The following GPAT2 variants were observed in gnomAD, a reference collection of about 807,000 sequenced individuals.
The protein encoded by GPAT2 is glycerol-3-phosphate acyltransferase 2, mitochondrial, also known as 1-acylglycerol-3-phosphate O-acyltransferase GPAT2.
In GPAT2, 51 loss-of-function variants were observed where a neutral mutation model predicts 71.0. That is an observed-to-expected ratio of 0.72 (90% CI 0.57 to 0.91). The LOEUF (loss-of-function observed/expected upper bound fraction) is 0.91. Among genes scored for constraint, GPAT2 ranks in the 40% least tolerant of loss-of-function variants. The pLI is 0.00. For synonymous variants in GPAT2, 222 were observed against 290.3 expected (o/e 0.76, Z 2.39); for missense variants, 511 against 666.0 (o/e 0.77, Z 2.56).
In GPAT2 at chr2:96,022,971, T is replaced by C. The variant is rs1277562758; in HGVS notation, c.2220A>G (p.Glu740=). 4 of 1,613,904 alleles carry C rather than the reference T, an allele frequency of 2.5e-6. No homozygotes were observed. The Admixed American group carries it at 6.7e-5, about 27-fold the overall frequency. The change falls in exon 20 of 22, where the codon GAA becomes GAG. Residue 740 remains glutamate, a synonymous_variant. Transcript: ENST00000434632. ...LFQFLQATAQ[E]EGIFECADPK... ...GTTGGGACTCACCGAAGATCCCTTC[T>C]TCCTGGGCGGTGGCCTGCAGGAACT...
rs1454142683 is a variant in GPAT2, at chr2:96,026,718, A to T, written c.1011T>A (p.Asp337Glu). 1 of 89,578 alleles carries T rather than the reference A, an allele frequency of 1.1e-5. No individual in the cohort carries two copies. Among genetic ancestry groups the T allele is most frequent in the Non-Finnish European group, 1.8e-5 (1 of 54,366 alleles). 5.5% of individuals were successfully genotyped at this position (89,578 alleles called of 1,614,324 possible). ...TCACATGGTCTATGTCACACGGTGC[A>T]TCCGGAACCAGGTCATAGGTGACGG... is the stretch of plus-strand genomic sequence containing the variant. The part of the protein sequence containing the change: ...PVAVTYDLVP[D>E]APCDIDHASA... Residue 337 changes from aspartate to glutamate, a missense_variant, in exon 10 of 22, where the codon GAT (aspartate) becomes GAA (glutamate). Asp to Glu is a conservative substitution (Grantham distance 45). Around this residue, in one of 7 missense-constraint regions of GPAT2, gnomAD observed 0 missense variants for 21.6 expected, o/e 0.00. Transcript: ENST00000434632.
rs912968489 is a variant in GPAT2 at position 96,025,933 on chromosome 2, T to C, written c.1235A>G (p.Gln412Arg). The change falls in exon 12 of 22, where the codon CAA (glutamine) becomes CGA (arginine). Residue 412 changes from glutamine to arginine, a missense_variant. By Grantham distance (43) the Gln-to-Arg change is conservative. Transcript: ENST00000434632. ...CCCCACGCTCCTGTGCCCCTACCAT[T>C]GGCCCAGCACGATGGGCTGCAGTAG... is the stretch of plus-strand genomic sequence containing the variant. ...EQLLQPIVLG[Q>R]CTAVPDTEKE... The C allele has an allele frequency of 2.7e-5, 43 of 1,612,034 alleles. No individual in the cohort carries two copies. Among genetic ancestry groups the C allele is most frequent in the Non-Finnish European group, 3.6e-5 (43 of 1,179,688 alleles).
Position 96,023,434 on chromosome 2 carries a change from C to T in GPAT2, c.1921G>A (p.Gly641Ser), listed in dbSNP as rs758383135. Residue 641 changes from glycine (G) to serine (S), a missense_variant, in exon 18 of 22, where the codon GGC (glycine) becomes AGC (serine). Around this residue, in one of 7 missense-constraint regions of GPAT2, gnomAD observed 295 missense variants for 305.5 expected, o/e 0.97. Transcript: ENST00000434632. ...CCTGTGTCACAGGCTGGCCGGGAGC[C>T]TGGGGTCTAGGGGCCGTGGAGCCAT... ...CGLLVAEETP[G>S]SRPACDTGRQ... 76 of 1,613,856 alleles carry T rather than the reference C, an allele frequency of 4.7e-5. No homozygotes were observed. Among genetic ancestry groups the T allele is most frequent in the Non-Finnish European group, 5.7e-5 (67 of 1,180,028 alleles).
intron 13 of GPAT2, 82 bp from the exon 14 acceptor site, chr2:96,024,925 A>G: frequency 1.3e-6 from 2 of 1,488,782 alleles, no homozygotes; most frequent in Non-Finnish European, 1.9e-6. Context: ...AAGTCTTCCT[A>G]GCCACACATC....
rs544645117 is a variant in GPAT2 at position 96,025,253 on chromosome 2, C to T, written c.1357+232G>A. On this transcript the variant is annotated intron_variant, in intron 13 of 21. Coordinates refer to ENST00000434632, the MANE Select transcript of GPAT2 (RefSeq NM_001321527.2). ...GCCTTGGGGAAGCAGCTGCAGCCTC[C>T]TGGCCTCAGGCCACCATCTTTGTGC... The T allele has an allele frequency of 1.0e-3, 607 of 595,876 alleles. 2 individuals carry two copies. The highest frequency in any genetic ancestry group is 1.8e-3 in the Middle Eastern group (4 of 2,234). 36.9% of individuals were successfully genotyped at this position (595,876 alleles called of 1,614,324 possible). A position where few individuals can be genotyped will look rare whatever the true frequency, so the allele number is the denominator to read the frequency against.
chr2:96,023,195 A>G lies in GPAT2; in HGVS notation c.2078T>C (p.Phe693Ser). Residue 693 changes from phenylalanine to serine, a missense_variant, in exon 19 of 22, where the codon TTT becomes TCT. Transcript: ENST00000434632. Reference sequence around the variant, plus strand: ...GCTGAGCAGGCGGCAGAGGAAAAGAAAGAAATCTGGGCAGTGTGACTGCTG... The same window carrying G: ...GCTGAGCAGGCGGCAGAGGAAAAGAGAGAAATCTGGGCAGTGTGACTGCTG... ...LSQQSHCPDF[F>S]LFLCRLLSPL... The G allele has an allele frequency of 6.2e-7, 1 of 1,603,020 alleles. No homozygotes were observed. Among genetic ancestry groups the G allele is most frequent in the Non-Finnish European group, 8.5e-7 (1 of 1,174,802 alleles).
chr2:96,025,177 A>G (rs1455302572), intron 13 of GPAT2: 1 of 556,518 alleles, frequency 1.8e-6, no homozygotes, highest in South Asian at 2.3e-5. Flanking sequence ...AGTTAACACC[A>G]TCTCCACCCA....
Position 96,022,195 on chromosome 2 carries a change from T to C in GPAT2, c.2370A>G (p.Lys790=). 1.2e-6 allele frequency: 2 copies of C among 1,610,928 alleles called. No individual in the cohort carries two copies. Among genetic ancestry groups the C allele is most frequent in the East Asian group, 2.2e-5 (1 of 44,888 alleles). The change falls in exon 22 of 22, where the codon AAA becomes AAG. Residue 790 remains lysine (K), a synonymous_variant. Coordinates refer to ENST00000434632, the MANE Select transcript of GPAT2 (RefSeq NM_001321527.2). ...TGAACTGCCGGATGAACTGTTCTAG[T>C]TTTTCCTGATTGTCCAGGCTGGCAA... ...PTFASLDNQE[K]LEQFIRQFIC...
In GPAT2 at chr2:96,025,920, G is replaced by A. The variant is rs935509101; in HGVS notation, c.1238+10C>T. ...TTGCCCCCTGAGACCCCACGCTCCT[G>A]TGCCCCTACCATTGGCCCAGCACGA... On this transcript the variant is annotated intron_variant, in intron 12 of 21. Coordinates refer to ENST00000434632, the MANE Select transcript of GPAT2 (RefSeq NM_001321527.2). The A allele has an allele frequency of 1.2e-6, 2 of 1,611,678 alleles. No homozygotes were observed. The highest frequency in any genetic ancestry group is 3.3e-5 in the Admixed American group (2 of 60,018).
Position 96,026,001 on chromosome 2 carries a change from G to A in GPAT2, c.1167C>T (p.Val389=), listed in dbSNP as rs761873063. Residue 389 remains valine (V), a synonymous_variant, in exon 12 of 22, where the codon GTC becomes GTT. Transcript: ENST00000434632. ...AQPFSLQEYI[V]SARSCWGGRQ... ...TGCCGCCCCAGCAGCTTCTGGCACT[G>A]ACGATGTATTCCTGCCCAAGAGAAG... 6.2e-7 allele frequency: 1 copy of A among 1,612,808 alleles called. No homozygotes were observed. The highest frequency in any genetic ancestry group is 8.5e-7 in the Non-Finnish European group (1 of 1,179,762).
intron 13 of GPAT2, 155 bp from the exon 14 acceptor site, chr2:96,024,998 C>A: frequency 1.2e-6 from 1 of 861,902 alleles, no homozygotes; most frequent in African/African-American, 1.7e-5. Flanking sequence ...ATCACACAGG[C>A]TGAGAGCAGG....
rs768315790 is a variant in GPAT2 at position 96,024,241 on chromosome 2, C to T, written c.1784G>A (p.Arg595His). The change falls in exon 16 of 22, where the codon CGC (arginine) becomes CAC (histidine). Residue 595 changes from arginine (R) to histidine (H), a missense_variant. Around this residue, in one of 7 missense-constraint regions of GPAT2, gnomAD observed 295 missense variants for 305.5 expected, o/e 0.97. Coordinates refer to ENST00000434632, the MANE Select transcript of GPAT2 (RefSeq NM_001321527.2). ...ILLLSQNELY[R>H]QILLLMHLLP... ...CAGGTGCATCAGCAGCAGGATCTGG[C>T]GGTACAGCTCATTCTGGCTCAGCAG... 29 of 1,550,360 alleles carry T rather than the reference C, an allele frequency of 1.9e-5. No individual in the cohort carries two copies. The highest frequency in any genetic ancestry group is 1.6e-4 in the South Asian group (13 of 82,812).
Position 96,024,017 on chromosome 2 carries a change from C to A in GPAT2, c.1837-17G>T. The A allele has an allele frequency of 1.3e-6, 2 of 1,576,088 alleles. No individual in the cohort carries two copies. Among genetic ancestry groups the A allele is most frequent in the Admixed American group, 1.8e-5 (1 of 54,350 alleles). On this transcript the variant is annotated splice_polypyrimidine_tract_variant and intron_variant, in intron 16 of 21. Coordinates refer to ENST00000434632, the MANE Select transcript of GPAT2 (RefSeq NM_001321527.2). The stretch of plus-strand genomic sequence containing the variant: ...CTGGCAGGGCTGGGAGAAAAAGGCA[C>A]CCATGTGGCCTCAGGAGAGCCAGGC...
At chr2:96,026,102 A>C (rs1241899291) in intron 11 of GPAT2, 81 bp downstream of exon 11, 15 of 1,571,908 alleles carry the variant, frequency 9.5e-6, no homozygotes, top group Non-Finnish European at 1.3e-5. Context: ...CTATCCCTGC[A>C]GTGGCTTTGA....
In GPAT2 at chr2:96,023,130, G is replaced by A. The variant is rs760895063; in HGVS notation, c.2143C>T (p.Arg715Cys). Reference protein sequence around the residue: ...KAFAQAAAFLRQGQLPDTELG... With the variant: ...KAFAQAAAFLCQGQLPDTELG... ...CCAGTATCGGGCAGCTGGCCCTGGC[G>A]GAGGAAGGCGGCAGCCTGTGCAAAG... Residue 715 changes from arginine to cysteine, a missense_variant, in exon 19 of 22, where the codon CGC becomes TGC. Physicochemically the swap from Arg to Cys is radical, Grantham distance 180. Transcript: ENST00000434632. The A allele has an allele frequency of 1.9e-5, 30 of 1,609,246 alleles. No homozygotes were observed. Among genetic ancestry groups the A allele is most frequent in the Middle Eastern group, 1.7e-4 (1 of 6,036 alleles).
chr2:96,024,300 C>T lies in GPAT2; in HGVS notation c.1725G>A (p.Pro575=), dbSNP rs751676628. ...AVRGLLAGRV[P]PQGPWELQGI... ...CCTGCAGCTCCCAGGGCCCCTGGGG[C>T]GGCACTCTGCCTGCCAGCAGCCCCC... The change falls in exon 16 of 22, where the codon CCG becomes CCA. Residue 575 remains proline, a synonymous_variant. Coordinates refer to ENST00000434632, the MANE Select transcript of GPAT2 (RefSeq NM_001321527.2). 243 of 1,560,866 alleles carry T rather than the reference C, an allele frequency of 1.6e-4. No homozygotes were observed. Among genetic ancestry groups the T allele is most frequent in the African/African-American group, 3.7e-4 (27 of 73,824 alleles).
Position 96,025,542 on chromosome 2 carries a change from C to G in GPAT2, c.1300G>C (p.Ala434Pro). Residue 434 changes from alanine to proline, a missense_variant, in exon 13 of 22, where the codon GCC becomes CCC. Coordinates refer to ENST00000434632, the MANE Select transcript of GPAT2 (RefSeq NM_001321527.2). ...EWTPITGPLL[A>P]LKEEDQLLVR... is the part of the protein sequence containing the mutation. Reference sequence around the variant, plus strand: ...AGGAGCTGGTCCTCTTCCTTGAGGGCCAGGAGAGGCCCAGTTATGGGGGTC... The same window carrying G: ...AGGAGCTGGTCCTCTTCCTTGAGGGGCAGGAGAGGCCCAGTTATGGGGGTC... 1 of 1,564,158 alleles carries G rather than the reference C, an allele frequency of 6.4e-7. No homozygotes were observed. Among genetic ancestry groups the G allele is most frequent in the Non-Finnish European group, 8.7e-7 (1 of 1,154,980 alleles).
At chr2:96,023,470 C>T in intron 17 of GPAT2, 30 bp from the exon 18 acceptor site, 1 of 1,613,068 alleles carries the variant, frequency 6.2e-7, no homozygotes, top group Non-Finnish European at 8.5e-7. Context: ...TGTTCTCTGA[C>T]AAGCTGGCCA....
rs949954748 is a variant in GPAT2 at position 96,024,279 on chromosome 2, C to G, written c.1746G>C (p.Leu582=). 5 of 1,551,980 alleles carry G rather than the reference C, an allele frequency of 3.2e-6. No individual in the cohort carries two copies. Among genetic ancestry groups the G allele is most frequent in the Non-Finnish European group, 4.4e-6 (5 of 1,146,280 alleles). The change falls in exon 16 of 22, where the codon CTG becomes CTC. Residue 582 remains leucine, a synonymous_variant. Coordinates refer to ENST00000434632, the MANE Select transcript of GPAT2 (RefSeq NM_001321527.2). The part of the protein sequence containing the change: ...GRVPPQGPWE[L]QGILLLSQNE... ...TCTGGCTCAGCAGCAATATGCCCTG[C>G]AGCTCCCAGGGCCCCTGGGGCGGCA...
Sources: allele counts gnomAD v4.1 joint callset, GRCh38; gene constraint gnomAD v4.1.1; regional missense constraint gnomAD v4.1.1; transcripts MANE v1.5; gene names NCBI Gene and HGNC (gene_info 2026-07-23, HGNC 2026-07-21).